Variants in TACR2 observed in about 807,000 individuals in gnomAD.
TACR2 encodes the protein tachykinin receptor 2, also known as substance-K receptor.
Under a neutral mutation model 28.9 loss-of-function variants are expected in TACR2, and 24 were observed. That is an observed-to-expected ratio of 0.83 (90% CI 0.60 to 1.17). The LOEUF is 1.17. TACR2 is among the 50% of genes most tolerant of loss of function. TACR2 has a pLI of 0.00. For synonymous variants in TACR2, 222 were observed against 212.6 expected (o/e 1.04, Z -0.38); for missense variants, 487 against 524.4 (o/e 0.93, Z 0.70).
Position 69,414,942 on chromosome 10 carries a change from T to G in TACR2, c.587+3A>C. The G allele has an allele frequency of 6.2e-7, 1 of 1,607,212 alleles. No homozygotes were observed. Among genetic ancestry groups the G allele is most frequent in the Non-Finnish European group, 8.5e-7 (1 of 1,175,168 alleles). On this transcript the variant is annotated splice_donor_region_variant and intron_variant, in intron 2 of 4. Transcript: ENST00000373306. ...GCCCTCCACAATCCCCCAGAGGCCT[T>G]ACAGGAGGAGCGTCTTGCCCCCGCT...
At chr10:69,413,171 C>G (rs1840583041) in intron 2 of TACR2, among the ~76,000 whole-genome samples, 1 of 152,074 alleles carries the variant, frequency 6.6e-6, no homozygotes, top group African/African-American at 2.4e-5. Flanking sequence ...CATCAGATTC[C>G]TAATTACACA....
At chr10:69,411,744 C>T (rs902495131) in intron 2 of TACR2, among the ~76,000 whole-genome samples, 5 of 152,154 alleles carry the variant, frequency 3.3e-5, no homozygotes, top group Admixed American at 1.3e-4. Flanking sequence ...ATCTCCAACC[C>T]GACCAATCAG....
chr10:69,406,977 G>A, intron 4 of TACR2, 107 bp downstream of exon 4: 1 of 1,203,866 alleles, frequency 8.3e-7, no homozygotes. Context: ...CAGGGCCACA[G>A]GTTCCGGCAG....
At position 69,411,614 on chromosome 10, in the gene TACR2, C is replaced by T. The variant is rs192526313; in HGVS notation, c.588-2539G>A. 7.9e-5 allele frequency among the ~76,000 whole-genome samples: 12 copies of T among 152,012 alleles called. No homozygotes were observed. The East Asian group carries it at 2.1e-3, about 27-fold the overall frequency. On this transcript the variant is annotated intron_variant, in intron 2 of 4. Transcript: ENST00000373306. Reference sequence around the variant, plus strand: ...TCAGTGCTTGAGATGTTTTGCAGAGCCTGCACTCAGTGGATCAGCTGACAC... The same window carrying T: ...TCAGTGCTTGAGATGTTTTGCAGAGTCTGCACTCAGTGGATCAGCTGACAC...
intron 1 of TACR2, among the ~76,000 whole-genome samples, chr10:69,415,451 C>A (rs1364146937): frequency 1.3e-5 from 2 of 152,226 alleles, no homozygotes; most frequent in Non-Finnish European, 2.9e-5. Flanking sequence ...CAAGATCAAG[C>A]ATCCAACATT....
At chr10:69,410,795 G>T (rs969861452) in intron 2 of TACR2, among the ~76,000 whole-genome samples, 1 of 152,098 alleles carries the variant, frequency 6.6e-6, no homozygotes, top group African/African-American at 2.4e-5. Context: ...TCCACAAATC[G>T]TAGGCTGTGA....
intron 3 of TACR2, among the ~76,000 whole-genome samples, chr10:69,407,780 C>T (rs1840517174): frequency 6.6e-6 from 1 of 152,216 alleles, no homozygotes; most frequent in South Asian, 2.1e-4. Flanking sequence ...GGACCTCCCC[C>T]TCCTCAGAGC....
chr10:69,409,917 A>ATATG (rs61030591), intron 2 of TACR2, among the ~76,000 whole-genome samples: 11 of 49,428 alleles, frequency 2.2e-4, no homozygotes, highest in African/African-American at 9.4e-4. Context: ...ATATATATAT[A>ATATG]TATATATATA....
chr10:69,416,254 T>C lies in TACR2; in HGVS notation c.70A>G (p.Thr24Ala). Reference sequence around the variant, plus strand: ...TGCCAGCTGGGCATGGAGAAGGCTGTGATGCCCGTGGTGTTGCTCTCAGGG... The same window carrying C: ...TGCCAGCTGGGCATGGAGAAGGCTGCGATGCCCGTGGTGTTGCTCTCAGGG... ...SGPESNTTGITAFSMPSWQLA... is the reference protein window; with the variant it reads ...SGPESNTTGIAAFSMPSWQLA... Residue 24 changes from threonine (T) to alanine (A), a missense_variant, in exon 1 of 5, where the codon ACA (threonine) becomes GCA (alanine). Physicochemically the swap from Thr to Ala is moderately conservative, Grantham distance 58 (BLOSUM62 0). Coordinates refer to ENST00000373306, the MANE Select transcript of TACR2 (RefSeq NM_001057.3). 6.2e-7 allele frequency: 1 copy of C among 1,613,586 alleles called. No individual in the cohort carries two copies.
intron 4 of TACR2, among the ~76,000 whole-genome samples, chr10:69,406,352 C>G (rs1424873009): frequency 6.6e-6 from 1 of 152,200 alleles, no homozygotes; most frequent in African/African-American, 2.4e-5. Flanking sequence ...CTCACCACCC[C>G]CCACCTCTCC....
chr10:69,415,726 C>A (rs77976310), intron 1 of TACR2, among the ~76,000 whole-genome samples: 2,843 of 152,358 alleles, frequency 0.019, 76 homozygotes, highest in African/African-American at 0.061. Context: ...CAAAGTCCTT[C>A]TCTGTGTCTA....
At chr10:69,409,175 C>G in intron 2 of TACR2, 100 bp from the exon 3 acceptor site, 1 of 1,278,012 alleles carries the variant, frequency 7.8e-7, no homozygotes. Flanking sequence ...GTGGAGCCGC[C>G]CCTGCGGGCC....
chr10:69,414,808 G>A lies in TACR2; in HGVS notation c.587+137C>T, dbSNP rs908947761. On this transcript the variant is annotated intron_variant, in intron 2 of 4. Transcript: ENST00000373306. ...TATAGGTATATTCACACAATCCCGT[G>A]TACACTCACTCATGTGTACACCCAT... 5.5e-6 allele frequency: 5 copies of A among 905,038 alleles called. No homozygotes were observed. The African/African-American group carries it at 8.3e-5, about 15-fold the overall frequency. The allele number at this position is 905,038 out of a possible 1,614,324, so 56.1% of individuals were successfully genotyped here.
At chr10:69,405,149 C>T in intron 4 of TACR2, 65 bp from the exon 5 acceptor site, 2 of 1,383,816 alleles carry the variant, frequency 1.4e-6, no homozygotes, top group East Asian at 4.7e-5. Context: ...TGTGACTGCC[C>T]CCACCCCCAG....
chr10:69,406,582 C>G (rs1028037800), intron 4 of TACR2, among the ~76,000 whole-genome samples: 1 of 152,202 alleles, frequency 6.6e-6, no homozygotes, highest in African/African-American at 2.4e-5. Flanking sequence ...TGTGCTGGCC[C>G]CAGCCCCCAT....
chr10:69,407,354 GGA>G (rs1281912171), intron 3 of TACR2, 74 bp from the exon 4 acceptor site: 32 of 1,459,900 alleles, frequency 2.2e-5, no homozygotes, highest in Non-Finnish European at 2.9e-5. Flanking sequence ...CAGACACAGA[GGA>G]CCCCTTGCAC....
In TACR2 at chr10:69,404,755, C is replaced by A; in HGVS notation, c.*71G>T. 1 of 749,010 alleles carries A rather than the reference C, an allele frequency of 1.3e-6. No homozygotes were observed. Among genetic ancestry groups the A allele is most frequent in the South Asian group, 1.9e-5 (1 of 51,680 alleles). 46.4% of individuals were successfully genotyped at this position (749,010 alleles called of 1,614,324 possible). The stretch of plus-strand genomic sequence containing the variant: ...TTCAACTGGAAGGCATTAATCTATT[C>A]ATAAGGGATCCATCCCCAATACCCA... On this transcript the variant is annotated 3_prime_UTR_variant, in exon 5 of 5. Coordinates refer to ENST00000373306, the MANE Select transcript of TACR2 (RefSeq NM_001057.3).
intron 4 of TACR2, among the ~76,000 whole-genome samples, chr10:69,405,451 G>A (rs1840493929): frequency 6.6e-6 from 1 of 152,224 alleles, no homozygotes; most frequent in African/African-American, 2.4e-5. Context: ...TAAGGGATGA[G>A]TCAAAGAAGA....
At chr10:69,409,103 C>A in intron 2 of TACR2, 28 bp from the exon 3 acceptor site, 2 of 1,545,956 alleles carry the variant, frequency 1.3e-6, no homozygotes, top group Non-Finnish European at 8.7e-7. Context: ...GCCTGGGCAG[C>A]GGAGGGCCCG....
Sources: allele counts gnomAD v4.1 joint callset (sites outside exome capture counted in the v4.1 genomes callset), GRCh38; gene constraint gnomAD v4.1.1; transcripts MANE v1.5; gene names NCBI Gene and HGNC (gene_info 2026-07-23, HGNC 2026-07-21).